LRRC53: variants seen among roughly 807,000 people sequenced by gnomAD.
The protein encoded by LRRC53 is leucine rich repeat containing 53, also known as leucine-rich repeat-containing protein 53.
In LRRC53, 25 loss-of-function variants were observed where a neutral mutation model predicts 13.6. That is an observed-to-expected ratio of 1.83 (90% CI 1.34 to 2.56). The LOEUF (loss-of-function observed/expected upper bound fraction) is 2.56, where lower values mean the gene tolerates loss of function less well. Ranked by LOEUF, LRRC53 falls within the 30% of genes most tolerant of loss-of-function variation. The probability of loss-of-function intolerance (pLI) is 0.00; values close to 1 mark genes in which losing one functional copy is unlikely to be tolerated. For synonymous variants in LRRC53, 204 were observed against 109.8 expected (o/e 1.86, Z -5.37); for missense variants, 527 against 275.8 (o/e 1.91, Z -6.45).
At chr1:74,495,519 C>G (rs557654373) in intron 1 of LRRC53, among the ~76,000 whole-genome samples, 1 of 152,164 alleles carries the variant, frequency 6.6e-6, no homozygotes, top group Admixed American at 6.5e-5. Context: ...TGAGCCTTAA[C>G]TATTTTCTCT....
At chr1:74,483,212 A>G (rs762917643) in intron 2 of LRRC53, 50 bp downstream of exon 2, 6 of 712,450 alleles carry the variant, frequency 8.4e-6, no homozygotes, top group Non-Finnish European at 1.6e-5. Context: ...ATGGCAACCA[A>G]TTTTCCAGGT....
In LRRC53 at chr1:74,472,152, G is replaced by T. The variant is rs192017330; in HGVS notation, c.1470C>A (p.Ala490=). The change falls in exon 5 of 5, where the codon GCC becomes GCA. Residue 490 remains alanine (A), a synonymous_variant. Coordinates refer to ENST00000294635, the MANE Select transcript of LRRC53 (RefSeq NM_001382280.1). ...FRRRYATPAS[A]LAGESLEKRL... is the part of the protein sequence containing the mutation. ...GCTTCTCAAGACTTTCTCCTGCCAA[G>T]GCTGAAGCGGGTGTTGCATATCTTC... is the stretch of plus-strand genomic sequence containing the variant. 1 of 717,006 alleles carries T rather than the reference G, an allele frequency of 1.4e-6. No individual in the cohort carries two copies. The highest frequency in any genetic ancestry group is 1.7e-5 in the African/African-American group (1 of 57,206). 44.4% of individuals were successfully genotyped at this position (717,006 alleles called of 1,614,324 possible).
chr1:74,478,020 A>T (rs1234229080), intron 3 of LRRC53, among the ~76,000 whole-genome samples: 1 of 152,246 alleles, frequency 6.6e-6, no homozygotes, highest in Non-Finnish European at 1.5e-5. Context: ...TTTTAAATTT[A>T]CAAATATAGC....
At position 74,470,426 on chromosome 1, in the gene LRRC53, G is replaced by A. The variant is rs1198199158; in HGVS notation, c.3196C>T (p.Pro1066Ser). The change falls in exon 5 of 5, where the codon CCC (proline) becomes TCC (serine). Residue 1066 changes from proline to serine, a missense_variant. Physicochemically the swap from Pro to Ser is moderately conservative, Grantham distance 74. Coordinates refer to ENST00000294635, the MANE Select transcript of LRRC53 (RefSeq NM_001382280.1). ...EKGIDSTNAL[P>S]RNDGTEALEI... Reference sequence around the variant, plus strand: ...AGTGCTTCAGTGCCGTCATTTCTGGGCAATGCATTTGTGCTGTCAATTCCT... The same window carrying A: ...AGTGCTTCAGTGCCGTCATTTCTGGACAATGCATTTGTGCTGTCAATTCCT... The A allele has an allele frequency of 2.5e-6, 1 of 400,486 alleles. No homozygotes were observed. The highest frequency in any genetic ancestry group is 4.4e-6 in the Non-Finnish European group (1 of 226,182). The allele number at this position is 400,486 out of a possible 1,614,324, so 24.8% of individuals were successfully genotyped here. A position where few individuals can be genotyped will look rare whatever the true frequency, so the allele number is the denominator to read the frequency against.
intron 4 of LRRC53, among the ~76,000 whole-genome samples, chr1:74,473,362 C>T (rs1157706119): frequency 1.3e-5 from 2 of 152,000 alleles, no homozygotes; most frequent in African/African-American, 2.4e-5. Context: ...TTGTCTTAAC[C>T]ACAATGCATC....
chr1:74,489,034 A>T (rs1286150127), intron 1 of LRRC53, among the ~76,000 whole-genome samples: 1 of 152,232 alleles, frequency 6.6e-6, no homozygotes, highest in Non-Finnish European at 1.5e-5. Context: ...GCAAATGAAC[A>T]TTCAATTAAC....
In LRRC53 at chr1:74,469,469, A is replaced by C. The variant is rs1002060081; in HGVS notation, c.*409T>G. The C allele has an allele frequency of 2.6e-5, 4 of 154,812 alleles. No individual in the cohort carries two copies. Among genetic ancestry groups the C allele is most frequent in the African/African-American group, 9.6e-5 (4 of 41,684 alleles). 9.6% of individuals were successfully genotyped at this position (154,812 alleles called of 1,614,324 possible). On this transcript the variant is annotated 3_prime_UTR_variant, in exon 5 of 5. Transcript: ENST00000294635. ...ATATATAATTATCCATGTAGAAAGC[A>C]ATATTGTAATACCACTAATTGAGAT... is the stretch of plus-strand genomic sequence containing the variant.
chr1:74,473,565 T>C (rs1047381744), intron 4 of LRRC53, among the ~76,000 whole-genome samples: 3 of 151,804 alleles, frequency 2.0e-5, no homozygotes, highest in Non-Finnish European at 4.4e-5. Flanking sequence ...TTGTTAGGTG[T>C]TAGGCCTCAA....
Position 74,480,710 on chromosome 1 carries a change from T to C in LRRC53, c.347A>G (p.Asn116Ser), listed in dbSNP as rs1394980041. The change falls in exon 3 of 5, where the codon AAT (asparagine) becomes AGT (serine). Residue 116 changes from asparagine (N) to serine (S), a missense_variant. Asn to Ser is a conservative substitution (Grantham distance 46). Transcript: ENST00000294635. ...CCCTCGTAGGGTGCGGAGAGCATTA[T>C]TGCTCAGCACCAGTACCTGCAGGCT... ...LHSLQVLVLS[N>S]NALRTLRGSW... 1 of 717,324 alleles carries C rather than the reference T, an allele frequency of 1.4e-6. No individual in the cohort carries two copies. Among genetic ancestry groups the C allele is most frequent in the African/African-American group, 1.7e-5 (1 of 57,268 alleles). The allele number at this position is 717,324 out of a possible 1,614,324, so 44.4% of individuals were successfully genotyped here.
chr1:74,488,563 A>G (rs957522890), intron 1 of LRRC53, among the ~76,000 whole-genome samples: 23 of 152,186 alleles, frequency 1.5e-4, no homozygotes, highest in African/African-American at 4.8e-4. Context: ...TCCAATAATC[A>G]TTTTTATATC....
At chr1:74,503,872 C>A (rs74093602) in intron 1 of LRRC53, among the ~76,000 whole-genome samples, 5,361 of 152,206 alleles carry the variant, frequency 0.035, 309 homozygotes, top group African/African-American at 0.12. Flanking sequence ...TATAACTATG[C>A]ATGTTGATGT....
the LRRC53 span, among the ~76,000 whole-genome samples, chr1:74,521,742 G>A: frequency 9.9e-5 from 15 of 152,242 alleles, no homozygotes; most frequent in African/African-American, 2.4e-4. Flanking sequence ...ATGATAAGAA[G>A]GGCACAGGGT....
chr1:74,502,271 A>G (rs1296214564), intron 1 of LRRC53, among the ~76,000 whole-genome samples: 1 of 152,186 alleles, frequency 6.6e-6, no homozygotes, highest in East Asian at 1.9e-4. Flanking sequence ...CAGTACTTAG[A>G]ACAGTGCCCG....
chr1:74,515,549 G>A (rs202185060), upstream of LRRC53, among the ~76,000 whole-genome samples: 11 of 152,152 alleles, frequency 7.2e-5, no homozygotes, highest in East Asian at 2.1e-3. Context: ...TTTACAAGAG[G>A]CACAAGTCTA....
chr1:74,502,576 G>A (rs560802148), intron 1 of LRRC53, among the ~76,000 whole-genome samples: 2 of 152,148 alleles, frequency 1.3e-5, no homozygotes, highest in Non-Finnish European at 2.9e-5. Context: ...TCAAGTTTGG[G>A]CTTTGAAGAG....
the LRRC53 span, among the ~76,000 whole-genome samples, chr1:74,518,038 G>A: frequency 6.6e-6 from 1 of 152,132 alleles, no homozygotes; most frequent in Non-Finnish European, 1.5e-5. Flanking sequence ...CGATGACCTC[G>A]CCAGAATAGC....
intron 1 of LRRC53, chr1:74,492,325 C>G: frequency 7.1e-7 from 1 of 1,400,480 alleles, no homozygotes; most frequent in Non-Finnish European, 9.4e-7. Context: ...CTTATCAAGA[C>G]AGTCAACTGA....
chr1:74,531,396 A>T, the LRRC53 span, among the ~76,000 whole-genome samples: 1 of 152,234 alleles, frequency 6.6e-6, no homozygotes, highest in African/African-American at 2.4e-5. Context: ...GGACCATTTC[A>T]AAGTTAGGCC....
chr1:74,492,386 G>T, intron 1 of LRRC53: 1 of 1,252,728 alleles, frequency 8.0e-7, no homozygotes, highest in Non-Finnish European at 1.0e-6. Context: ...CTTTGAAAGA[G>T]GAGTTTTCAG....
Sources: allele counts gnomAD v4.1 joint callset (sites outside exome capture counted in the v4.1 genomes callset), GRCh38; gene constraint gnomAD v4.1.1; transcripts MANE v1.5; gene names NCBI Gene and HGNC (gene_info 2026-07-23, HGNC 2026-07-21).